The following ACTR3C variants were observed in gnomAD, a reference collection of about 807,000 sequenced individuals.
The protein encoded by ACTR3C is actin related protein 3C, also known as actin-related protein 3C.
Under a neutral mutation model 26.3 loss-of-function variants are expected in ACTR3C, and 18 were observed. That is an observed-to-expected ratio of 0.68 (90% CI 0.47 to 1.01). The LOEUF (loss-of-function observed/expected upper bound fraction) is 1.01. ACTR3C is among the 50% of genes least tolerant of loss of function. The pLI, the probability that ACTR3C is intolerant of heterozygous loss-of-function variation, is 0.00. For missense variants in ACTR3C, 184 were observed against 250.7 expected (o/e 0.73, Z 1.80); for synonymous variants, 55 against 94.5 (o/e 0.58, Z 2.42).
chr7:149,958,012 GC>G, the ACTR3C span, among the ~76,000 whole-genome samples: 1 of 152,208 alleles, frequency 6.6e-6, no homozygotes, highest in Admixed American at 6.5e-5. Flanking sequence ...AGTTGATAAG[GC>G]AGATGCTAAG....
At chr7:150,197,992 T>C in the ACTR3C span, among the ~76,000 whole-genome samples, 1 of 151,158 alleles carries the variant, frequency 6.6e-6, no homozygotes, top group Non-Finnish European at 1.5e-5. Flanking sequence ...GTGCCTGTGA[T>C]TGCAGGCATG....
chr7:149,990,103 C>T, the ACTR3C span, among the ~76,000 whole-genome samples: 1 of 152,090 alleles, frequency 6.6e-6, no homozygotes, highest in Admixed American at 6.6e-5. Flanking sequence ...TTCCTCCAGC[C>T]TTTCAGCCTC....
At chr7:150,016,539 C>T in the ACTR3C span, among the ~76,000 whole-genome samples, 1 of 152,056 alleles carries the variant, frequency 6.6e-6, no homozygotes, top group Admixed American at 6.5e-5. Flanking sequence ...TAGCTTCATC[C>T]ATCAAGACGG....
chr7:150,051,328 T>C, the ACTR3C span, among the ~76,000 whole-genome samples: 1 of 149,610 alleles, frequency 6.7e-6, no homozygotes, highest in African/African-American at 2.4e-5. Context: ...GTTTATGATG[T>C]ATAATTAATT....
chr7:149,992,995 T>C, the ACTR3C span, among the ~76,000 whole-genome samples: 1 of 151,748 alleles, frequency 6.6e-6, no homozygotes, highest in African/African-American at 2.4e-5. Context: ...GGGAGTCTGA[T>C]GTCCAAGGGC....
chr7:150,288,898 C>T (rs1835990188), intron 4 of ACTR3C, among the ~76,000 whole-genome samples: 1 of 151,578 alleles, frequency 6.6e-6, no homozygotes, highest in African/African-American at 2.4e-5. Flanking sequence ...TTCCTTCAGC[C>T]AGCCTCAGTT....
At chr7:149,895,141 CAG>C in the ACTR3C span, among the ~76,000 whole-genome samples, 24,883 of 151,682 alleles carry the variant, frequency 0.16, 2,443 homozygotes, top group Non-Finnish European at 0.22. Context: ...AAGCCAGGCA[CAG>C]AAAGACAAAT....
the ACTR3C span, among the ~76,000 whole-genome samples, chr7:150,013,400 A>G: frequency 6.6e-6 from 1 of 152,228 alleles, no homozygotes; most frequent in South Asian, 2.1e-4. Flanking sequence ...GGTTTAGGTG[A>G]ACCTCACGAT....
At chr7:149,958,488 C>G in the ACTR3C span, among the ~76,000 whole-genome samples, 1 of 152,230 alleles carries the variant, frequency 6.6e-6, no homozygotes, top group Non-Finnish European at 1.5e-5. Flanking sequence ...ATTCCTCAAG[C>G]TTTGAGCATC....
the ACTR3C span, among the ~76,000 whole-genome samples, chr7:149,961,595 T>C: frequency 7.9e-5 from 12 of 151,798 alleles, no homozygotes; most frequent in Non-Finnish European, 1.6e-4. Flanking sequence ...AAGAAGTGTG[T>C]GCTCACAGGA....
chr7:150,257,739 G>A (rs1467716446), intron 6 of ACTR3C, among the ~76,000 whole-genome samples: 1 of 152,250 alleles, frequency 6.6e-6, no homozygotes, highest in Non-Finnish European at 1.5e-5. Context: ...GAAGGAAGCA[G>A]AGATTGTATA....
the ACTR3C span, among the ~76,000 whole-genome samples, chr7:149,885,797 C>T: frequency 1.3e-5 from 2 of 152,260 alleles, no homozygotes; most frequent in African/African-American, 4.8e-5. Context: ...GTGCAAAGGC[C>T]TGGCCCTTGG....
the ACTR3C span, among the ~76,000 whole-genome samples, chr7:149,937,671 G>A: frequency 6.6e-6 from 1 of 152,138 alleles, no homozygotes. Flanking sequence ...AGTACCTGGC[G>A]AGGATGAACG....
the ACTR3C span, among the ~76,000 whole-genome samples, chr7:150,048,638 C>T: frequency 6.6e-6 from 1 of 151,804 alleles, no homozygotes; most frequent in Non-Finnish European, 1.5e-5. Flanking sequence ...CAGCCGGCCC[C>T]GGGGCGCCCC....
In ACTR3C at chr7:150,306,525, C is replaced by T. The variant is rs2907033; in HGVS notation, c.-51-11178G>A. ...TAAAGACAAAGCCACTCACACACAG[C>T]CAGTTTCTTGGCCCCATTTGCTCCA... On this transcript the variant is annotated intron_variant, in intron 1 of 7. Coordinates refer to ENST00000683684, the MANE Select transcript of ACTR3C (RefSeq NM_001164458.2). 7.2e-3 allele frequency among the ~76,000 whole-genome samples: 1,093 copies of T among 152,302 alleles called. 20 individuals are homozygous for T. The highest frequency in any genetic ancestry group is 0.024 in the African/African-American group (1,005 of 41,550).
the ACTR3C span, among the ~76,000 whole-genome samples, chr7:150,044,482 T>A: frequency 6.6e-6 from 1 of 152,164 alleles, no homozygotes; most frequent in South Asian, 2.1e-4. Flanking sequence ...ACTTTGCATG[T>A]TAGTACTGAC....
the ACTR3C span, among the ~76,000 whole-genome samples, chr7:149,953,791 A>G: frequency 2.7e-5 from 4 of 147,572 alleles, no homozygotes; most frequent in Admixed American, 6.8e-5. Context: ...ATATTAGACT[A>G]GGAGTGATCT....
chr7:149,891,339 C>T, the ACTR3C span: 6 of 853,540 alleles, frequency 7.0e-6, no homozygotes, highest in Middle Eastern at 3.3e-4. Flanking sequence ...AGCCTCAGTT[C>T]GCAACAATAA....
chr7:150,277,822 C>A (rs2129611603), intron 6 of ACTR3C, among the ~76,000 whole-genome samples: 1 of 152,294 alleles, frequency 6.6e-6, no homozygotes, highest in African/African-American at 2.4e-5. Context: ...TCTACAGTGG[C>A]CTTCCTAAAT....
Sources: allele counts gnomAD v4.1 joint callset (sites outside exome capture counted in the v4.1 genomes callset), GRCh38; gene constraint gnomAD v4.1.1; transcripts MANE v1.5; gene names NCBI Gene and HGNC (gene_info 2026-07-23, HGNC 2026-07-21).